Variants in ARMH4 observed in about 807,000 individuals in gnomAD.
ARMH4 encodes armadillo-like helical domain-containing protein 4.
A neutral mutation model predicts 61.9 loss-of-function variants in ARMH4; 49 were observed. The observed-to-expected ratio is 0.79, with a 90% CI of 0.63 to 1.00. The LOEUF is 1.00. Among genes scored for constraint, ARMH4 ranks in the 50% least tolerant of loss-of-function variants. The pLI, the probability that ARMH4 is intolerant of heterozygous loss-of-function variation, is 0.00. For synonymous variants in ARMH4, 368 were observed against 341.5 expected, an observed-to-expected ratio of 1.08 and a Z score of -0.85; for missense variants, 934 against 930.0, an observed-to-expected ratio of 1.00 and a Z score of -0.06.
chr14:58,104,325 T>C (rs1886098140), intron 4 of ARMH4, among the ~76,000 whole-genome samples: 1 of 152,216 alleles, frequency 6.6e-6, no homozygotes, highest in Non-Finnish European at 1.5e-5. Flanking sequence ...GCTTTCTCCT[T>C]GTACTACTAG....
intron 5 of ARMH4, among the ~76,000 whole-genome samples, chr14:58,085,593 A>T (rs184520935): frequency 6.6e-6 from 1 of 152,266 alleles, no homozygotes; most frequent in East Asian, 1.9e-4. Flanking sequence ...ATTTTCCCAT[A>T]AGAAATGCAT....
intron 1 of ARMH4, among the ~76,000 whole-genome samples, chr14:58,148,851 A>G (rs1384428108): frequency 8.1e-6 from 1 of 123,062 alleles, no homozygotes; most frequent in African/African-American, 3.7e-5. Context: ...TTTATTACAC[A>G]CACACACACA....
intron 2 of ARMH4, among the ~76,000 whole-genome samples, chr14:58,137,392 ATTT>A (rs918658988): frequency 6.6e-6 from 1 of 151,444 alleles, no homozygotes; most frequent in Non-Finnish European, 1.5e-5. Context: ...TTTGGGTGTA[ATTT>A]TTTTTTCTTT....
chr14:58,018,677 A>G (rs1017695682), intron 5 of ARMH4, among the ~76,000 whole-genome samples: 1 of 152,242 alleles, frequency 6.6e-6, no homozygotes, highest in Non-Finnish European at 1.5e-5. Flanking sequence ...GTTGGTGGCA[A>G]TGTCAGTTGG....
chr14:58,135,165 T>C (rs1297859076), intron 2 of ARMH4, among the ~76,000 whole-genome samples: 1 of 152,184 alleles, frequency 6.6e-6, no homozygotes, highest in Non-Finnish European at 1.5e-5. Context: ...TGGATTAATA[T>C]ACCTGGTTAC....
intron 5 of ARMH4, among the ~76,000 whole-genome samples, chr14:58,084,789 G>A (rs1885330369): frequency 6.6e-6 from 1 of 152,168 alleles, no homozygotes. Flanking sequence ...TTCTTCACAT[G>A]AATTGAACTG....
chr14:58,124,499 G>A (rs539220919), intron 4 of ARMH4, among the ~76,000 whole-genome samples: 2 of 152,308 alleles, frequency 1.3e-5, no homozygotes, highest in South Asian at 4.2e-4. Context: ...GACATCTTAT[G>A]ATGTGAATGG....
chr14:58,013,026 A>G (rs984041641), intron 5 of ARMH4, among the ~76,000 whole-genome samples: 2 of 152,254 alleles, frequency 1.3e-5, no homozygotes, highest in Non-Finnish European at 2.9e-5. Flanking sequence ...GAGGAAAAAA[A>G]GACAAATATA....
intron 5 of ARMH4, among the ~76,000 whole-genome samples, chr14:58,056,170 TTAAGAAGAGCTGC>T (rs540769570): frequency 2.6e-5 from 4 of 152,354 alleles, no homozygotes; most frequent in Admixed American, 2.6e-4. Context: ...TTCTCCCAAC[TTAAGAAGAGCTGC>T]TGAATCATAG....
At chr14:58,065,966 A>C (rs758724840) in intron 5 of ARMH4, among the ~76,000 whole-genome samples, 1 of 152,214 alleles carries the variant, frequency 6.6e-6, no homozygotes, top group Non-Finnish European at 1.5e-5. Context: ...CAACCATGTG[A>C]GCTTGGAGGC....
intron 5 of ARMH4, among the ~76,000 whole-genome samples, chr14:58,021,022 A>G (rs1882806905): frequency 6.6e-6 from 1 of 152,182 alleles, no homozygotes; most frequent in Admixed American, 6.6e-5. Flanking sequence ...AGGCAGAGGG[A>G]AAAAAACAAT....
chr14:58,056,377 A>G (rs1354652652), intron 5 of ARMH4, among the ~76,000 whole-genome samples: 2 of 152,238 alleles, frequency 1.3e-5, no homozygotes, highest in Admixed American at 6.5e-5. Flanking sequence ...TCTTCTTCTG[A>G]TACCTTCAAA....
At chr14:58,031,777 T>C (rs1437075368) in intron 5 of ARMH4, among the ~76,000 whole-genome samples, 2 of 152,216 alleles carry the variant, frequency 1.3e-5, no homozygotes, top group African/African-American at 4.8e-5. Context: ...CAGACAAAAG[T>C]AACTTGAAAA....
At chr14:58,029,201 G>A (rs550228086) in intron 5 of ARMH4, among the ~76,000 whole-genome samples, 15 of 150,870 alleles carry the variant, frequency 9.9e-5, no homozygotes, top group Admixed American at 4.6e-4. Flanking sequence ...TACAACATAT[G>A]ACCTTTCGGT....
chr14:58,130,916 T>C (rs1446777820), intron 4 of ARMH4, among the ~76,000 whole-genome samples: 2 of 152,196 alleles, frequency 1.3e-5, no homozygotes, highest in East Asian at 3.8e-4. Context: ...ACTGAAATCA[T>C]CTAAGGCAGT....
intron 5 of ARMH4, among the ~76,000 whole-genome samples, chr14:58,088,342 T>C (rs1885446210): frequency 6.6e-6 from 1 of 152,022 alleles, no homozygotes; most frequent in African/African-American, 2.4e-5. Flanking sequence ...TTAAAAGGCA[T>C]CCTCTTATGT....
intron 1 of ARMH4, among the ~76,000 whole-genome samples, chr14:58,139,690 T>C (rs1834047244): frequency 1.3e-5 from 2 of 152,258 alleles, no homozygotes; most frequent in African/African-American, 4.8e-5. Flanking sequence ...CTACTTGAAA[T>C]AATTTACCCT....
intron 5 of ARMH4, among the ~76,000 whole-genome samples, chr14:58,034,994 ATG>A (rs1353942760): frequency 1.1e-4 from 12 of 109,456 alleles, no homozygotes; most frequent in African/African-American, 3.9e-4. Flanking sequence ...AGACAGATCC[ATG>A]AGACAGAAAG....
intron 1 of ARMH4, chr14:58,141,595 G>A (rs1021546319): frequency 1.5e-5 from 7 of 470,830 alleles, no homozygotes; most frequent in East Asian, 5.3e-5. Context: ...CCTGCACCCC[G>A]GTGCTATCAA....
Sources: allele counts gnomAD v4.1 joint callset (sites outside exome capture counted in the v4.1 genomes callset), GRCh38; gene constraint gnomAD v4.1.1; transcripts MANE v1.5; gene names NCBI Gene and HGNC (gene_info 2026-07-23, HGNC 2026-07-21).